SAGE1: variants seen among roughly 807,000 people sequenced by gnomAD.
SAGE1 encodes sarcoma antigen 1.
SAGE1 carries 55 observed loss-of-function variants against 55.4 expected under a neutral mutation model. The ratio of observed to expected loss-of-function variants is 0.99; its 90% CI spans 0.80 to 1.24. The LOEUF is 1.24. SAGE1 is among the 50% of genes most tolerant of loss of function. The pLI, the probability that SAGE1 is intolerant of heterozygous loss-of-function variation, is 0.00. For synonymous variants in SAGE1, 240 were observed against 244.3 expected (o/e 0.98, Z 0.17); for missense variants, 710 against 704.4 (o/e 1.01, Z -0.09).
Position 135,908,473 on chromosome X carries a change from C to T in SAGE1, c.1301-4C>T, listed in dbSNP as rs1556603605. 4 of 1,198,566 alleles carry T rather than the reference C, an allele frequency of 3.3e-6. No homozygotes were observed. The highest frequency in any genetic ancestry group is 4.5e-6 in the Non-Finnish European group (4 of 890,393). ...ACAGCTCGACCTCTTTATTTGGTTTCTAGATGCTACCGTCAATCACCATGT... is the reference window on the plus strand; with the variant it reads ...ACAGCTCGACCTCTTTATTTGGTTTTTAGATGCTACCGTCAATCACCATGT... On this transcript the variant is annotated splice_polypyrimidine_tract_variant and splice_region_variant and intron_variant, in intron 11 of 19. Transcript: ENST00000370709.
At chrX:135,911,466 G>A (rs2088897162) in intron 17 of SAGE1, 113 bp from the exon 18 acceptor site, 1 of 869,986 alleles carries the variant, frequency 1.1e-6, no homozygotes, top group Non-Finnish European at 1.7e-6. Flanking sequence ...ACCACCTGGT[G>A]TATCCTCTTG....
chrX:135,912,718 A>G, intron 19 of SAGE1, 80 bp from the exon 20 acceptor site: 1 of 1,148,203 alleles, frequency 8.7e-7, no homozygotes, highest in Non-Finnish European at 1.2e-6. Context: ...GGTAAATTCT[A>G]TTTTGTATCC....
Position 135,911,139 on chromosome X carries a change from G to T in SAGE1, c.2006-53G>T, listed in dbSNP as rs1556606223. 3.4e-6 allele frequency: 4 copies of T among 1,166,061 alleles called. No individual in the cohort carries two copies. The African/African-American group carries it at 5.3e-5, about 16-fold the overall frequency. On this transcript the variant is annotated intron_variant, in intron 16 of 19. Transcript: ENST00000370709. ...TGAGCATCAGCAGGATATCCCTGTGGGGTTGTCATTATGCACTTACTTCAC... is the reference window on the plus strand; with the variant it reads ...TGAGCATCAGCAGGATATCCCTGTGTGGTTGTCATTATGCACTTACTTCAC...
In SAGE1 at chrX:135,907,682, C is replaced by T; in HGVS notation, c.1019-19C>T. 1 of 1,207,158 alleles carries T rather than the reference C, an allele frequency of 8.3e-7. No individual in the cohort carries two copies. Among genetic ancestry groups the T allele is most frequent in the Non-Finnish European group, 1.1e-6 (1 of 892,747 alleles). ...TAATACACTTAGCTCAGAGCTCAAGCTTTTCATTTGGTTTCCAGATGCTAC... is the reference window on the plus strand; with the variant it reads ...TAATACACTTAGCTCAGAGCTCAAGTTTTTCATTTGGTTTCCAGATGCTAC... On this transcript the variant is annotated intron_variant, in intron 9 of 19. Coordinates refer to ENST00000370709, the MANE Select transcript of SAGE1 (RefSeq NM_001381902.1).
rs146979495 is a variant in SAGE1, at chrX:135,912,330, G to C, written c.2531G>C (p.Arg844Thr). The C allele has an allele frequency of 4.0e-5, 47 of 1,184,628 alleles. No homozygotes were observed. Among genetic ancestry groups the C allele is most frequent in the Non-Finnish European group, 5.0e-5 (44 of 885,410 alleles). ...EVRRFGQNYE[R>T]IFILLEEVQG... ...TTTAAAATATCTTCAGATTATGAAA[G>C]AATTTTCATTTTGCTTGAAGAGGTA... The change falls in exon 19 of 20, where the codon AGA (arginine) becomes ACA (threonine). Residue 844 changes from arginine to threonine, a missense_variant. By Grantham distance (71) the Arg-to-Thr change is moderately conservative. Coordinates refer to ENST00000370709, the MANE Select transcript of SAGE1 (RefSeq NM_001381902.1).
chrX:135,907,357 G>T lies in SAGE1; in HGVS notation c.922G>T (p.Asp308Tyr). 1 of 1,206,878 alleles carries T rather than the reference G, an allele frequency of 8.3e-7. No homozygotes were observed. Among genetic ancestry groups the T allele is most frequent in the Non-Finnish European group, 1.1e-6 (1 of 892,250 alleles). Residue 308 changes from aspartate to tyrosine, a missense_variant, in exon 9 of 20, where the codon GAC (aspartate) becomes TAC (tyrosine). By Grantham distance (160) the Asp-to-Tyr change is radical. Transcript: ENST00000370709. The part of the protein sequence containing the change: ...HNVCEEKMEN[D>Y]QPQPNNVLST... ...TGTCTGTGAAGAGAAGATGGAAAAT[G>T]ACCAACCGCAACCTAATAACGTATT...
At chrX:135,902,387 T>C (rs1332268693) in intron 3 of SAGE1, among the ~76,000 whole-genome samples, 1 of 112,290 alleles carries the variant, frequency 8.9e-6, no homozygotes, top group Non-Finnish European at 1.9e-5. Context: ...TTCAACTGAC[T>C]CTACATGCTC....
intron 2 of SAGE1, among the ~76,000 whole-genome samples, chrX:135,898,370 C>T (rs2088621024): frequency 8.9e-6 from 1 of 112,484 alleles, no homozygotes; most frequent in Non-Finnish European, 1.9e-5. Context: ...ATATGTACTA[C>T]ATTTTCTTTA....
At chrX:135,911,406 T>G in intron 17 of SAGE1, 74 bp downstream of exon 17, 1 of 1,070,859 alleles carries the variant, frequency 9.3e-7, no homozygotes, top group East Asian at 3.0e-5. Flanking sequence ...GGGAAGAAGG[T>G]GGTTTTGTTG....
At chrX:135,903,078 G>C (rs1455621857) in intron 3 of SAGE1, among the ~76,000 whole-genome samples, 1 of 111,434 alleles carries the variant, frequency 9.0e-6, no homozygotes, top group Non-Finnish European at 1.9e-5. Context: ...CCTGGCCTCT[G>C]TCACCCTCTC....
chrX:135,911,818 G>A lies in SAGE1; in HGVS notation c.2386G>A (p.Gly796Ser). 8.3e-7 allele frequency: 1 copy of A among 1,210,298 alleles called. No homozygotes were observed. The highest frequency in any genetic ancestry group is 2.3e-4 in the Middle Eastern group (1 of 4,344). ...CACCAAAAACTACAGTGTCTCTGCA[G>A]GTGACCCACCAGTTACAGTAATGTC... ...VGTKNYSVSAGDPPVTVMSLV... is the reference protein window; with the variant it reads ...VGTKNYSVSASDPPVTVMSLV... The change falls in exon 18 of 20, where the codon GGT becomes AGT. Residue 796 changes from glycine (G) to serine (S), a missense_variant. By Grantham distance (56) the Gly-to-Ser change is moderately conservative. Coordinates refer to ENST00000370709, the MANE Select transcript of SAGE1 (RefSeq NM_001381902.1).
Position 135,893,757 on chromosome X carries a change from C to T in SAGE1, c.-25C>T, listed in dbSNP as rs1476465159. 8.9e-6 allele frequency among the ~76,000 whole-genome samples: 1 copy of T among 112,099 alleles called. No individual in the cohort carries two copies. The highest frequency in any genetic ancestry group is 3.2e-5 in the African/African-American group (1 of 30,842). ...CGGGCAGAGGCAGAGGAACACAGAA[C>T]CTTCTCACACAGCGGGATAAAAGGG... is the stretch of plus-strand genomic sequence containing the variant. On this transcript the variant is annotated 5_prime_UTR_variant, in exon 1 of 20. Coordinates refer to ENST00000370709, the MANE Select transcript of SAGE1 (RefSeq NM_001381902.1).
chrX:135,906,525 T>G lies in SAGE1; in HGVS notation c.710T>G (p.Ile237Ser). Residue 237 changes from isoleucine to serine, a missense_variant, in exon 7 of 20, where the codon ATT becomes AGT. Physicochemically the swap from Ile to Ser is moderately radical, Grantham distance 142 (BLOSUM62 -2). Coordinates refer to ENST00000370709, the MANE Select transcript of SAGE1 (RefSeq NM_001381902.1). Reference sequence around the variant, plus strand: ...CGTATTAATATGACAGACACTGGTATTTCACCCATGAGTACCAGGGATCCA... The same window carrying G: ...CGTATTAATATGACAGACACTGGTAGTTCACCCATGAGTACCAGGGATCCA... ...PRRINMTDTG[I>S]SPMSTRDPYA... The G allele has an allele frequency of 1.7e-6, 2 of 1,208,038 alleles. No homozygotes were observed. Among genetic ancestry groups the G allele is most frequent in the East Asian group, 5.9e-5 (2 of 33,830 alleles).
intron 17 of SAGE1, 58 bp from the exon 18 acceptor site, chrX:135,911,521 C>T (rs943150160): frequency 1.0e-5 from 10 of 955,621 alleles, no homozygotes; most frequent in Non-Finnish European, 1.3e-5. Flanking sequence ...GAGGGATATA[C>T]TGTGGGGGTG....
rs1556606845 is a variant in SAGE1 at position 135,911,967 on chromosome X, G to A, written c.2521+14G>A. On this transcript the variant is annotated intron_variant, in intron 18 of 19. Coordinates refer to ENST00000370709, the MANE Select transcript of SAGE1 (RefSeq NM_001381902.1). ...GGTTTGGGCAAAGTAAGTACTGCAA[G>A]AATGTCTATCAATGAAAGCATGAGA... The A allele has an allele frequency of 8.3e-7, 1 of 1,205,286 alleles. No individual in the cohort carries two copies. Among genetic ancestry groups the A allele is most frequent in the East Asian group, 3.0e-5 (1 of 33,826 alleles).
At chrX:135,908,352 C>A in intron 11 of SAGE1, 123 bp downstream of exon 11, 1 of 1,014,692 alleles carries the variant, frequency 9.9e-7, no homozygotes, top group Non-Finnish European at 1.4e-6. Context: ...TCTCAGATCG[C>A]TGCCTGGTAT....
At chrX:135,902,158 C>T (rs1387791182) in intron 3 of SAGE1, among the ~76,000 whole-genome samples, 1 of 111,244 alleles carries the variant, frequency 9.0e-6, no homozygotes, top group African/African-American at 3.3e-5. Context: ...TCCCTTCCCA[C>T]CTCTAAATAT....
intron 1 of SAGE1, among the ~76,000 whole-genome samples, 185 bp downstream of exon 1, chrX:135,893,966 T>C (rs1392478401): frequency 8.9e-6 from 1 of 112,468 alleles, no homozygotes; most frequent in Non-Finnish European, 1.9e-5. Flanking sequence ...CCATCTTGGC[T>C]TGGCTTGTAT....
intron 13 of SAGE1, among the ~76,000 whole-genome samples, chrX:135,909,240 A>C (rs2088851860): frequency 8.9e-6 from 1 of 111,856 alleles, no homozygotes; most frequent in South Asian, 3.7e-4. Context: ...CAACCTCTTC[A>C]TGTGGTTTCC....
Sources: gnomAD v4.1 joint callset for allele counts (sites outside exome capture counted in the v4.1 genomes callset) on GRCh38, gnomAD v4.1.1 for gene constraint, MANE v1.5 for transcripts, NCBI Gene and HGNC (gene_info 2026-07-23, HGNC 2026-07-21) for gene names.